The following NOC3L variants were observed in gnomAD, a reference collection of about 807,000 sequenced individuals.
The protein encoded by NOC3L is nucleolar complex protein 3 homolog.
A neutral mutation model predicts 102.5 loss-of-function variants in NOC3L; 85 were observed. The ratio of observed to expected loss-of-function variants is 0.83; its 90% CI spans 0.70 to 0.99. The LOEUF is 0.99. NOC3L is among the 50% of genes least tolerant of loss of function. The probability of loss-of-function intolerance (pLI) is 0.00; values close to 1 mark genes in which losing one functional copy is unlikely to be tolerated. For synonymous variants in NOC3L, 303 were observed against 309.4 expected (o/e 0.98, Z 0.22); for missense variants, 878 against 914.9 (o/e 0.96, Z 0.52).
chr10:94,321,626 T>G, the NOC3L span, among the ~76,000 whole-genome samples: 1 of 124,594 alleles, frequency 8.0e-6, no homozygotes, highest in Non-Finnish European at 1.7e-5. Flanking sequence ...AGACTCCATC[T>G]CAGAAAAAAA....
At position 94,334,633 on chromosome 10, in the gene NOC3L, C is replaced by A. The variant is rs1172647448; in HGVS notation, c.2274+1G>T. ...TTAAAAAAATGAAAAATATCCCATA[C>A]CTTTATTTTGGGGTTTGAAGATTCA... On this transcript the variant is annotated splice_donor_variant, in intron 20 of 20. Transcript: ENST00000371361. LOFTEE classifies it high-confidence loss of function. 6.2e-7 allele frequency: 1 copy of A among 1,607,944 alleles called. No homozygotes were observed. Among genetic ancestry groups the A allele is most frequent in the Non-Finnish European group, 8.5e-7 (1 of 1,175,666 alleles).
chr10:94,358,172 A>G lies in NOC3L; in HGVS notation c.261T>C (p.Leu87=), dbSNP rs1241408584. The G allele has an allele frequency of 6.2e-7, 1 of 1,608,846 alleles. No homozygotes were observed. Among genetic ancestry groups the G allele is most frequent in the African/African-American group, 1.3e-5 (1 of 74,830 alleles). Residue 87 remains leucine (L), a synonymous_variant, in exon 3 of 21, where the codon CTT becomes CTC. Transcript: ENST00000371361. The part of the protein sequence containing the change: ...EREEEEEEEA[L]PLDMMDEDDL... ...CATCTTCATCCATCATATCTAAAGG[A>G]AGGGCTTCTTCTTCTTCCTCTTCTT... is the stretch of plus-strand genomic sequence containing the variant.
Position 94,361,709 on chromosome 10 carries a change from G to C in NOC3L, c.173C>G (p.Ser58Cys), listed in dbSNP as rs187762184. The C allele has an allele frequency of 6.4e-7, 1 of 1,569,790 alleles. No individual in the cohort carries two copies. Among genetic ancestry groups the C allele is most frequent in the East Asian group, 2.4e-5 (1 of 41,510 alleles). ...GTTCTCCAATGGAATGGGTTTCTTAGACACAGCATCTTTCACAGCTTGCCT... is the reference window on the plus strand; with the variant it reads ...GTTCTCCAATGGAATGGGTTTCTTACACACAGCATCTTTCACAGCTTGCCT... ...KLRQAVKDAV[S>C]KKPIPLENPK... Residue 58 changes from serine to cysteine, a missense_variant, in exon 2 of 21, where the codon TCT becomes TGT. Transcript: ENST00000371361.
In NOC3L at chr10:94,357,289, T is replaced by C. The variant is rs1203406403; in HGVS notation, c.393A>G (p.Ile131Met). ...HAKKRKHERI[I>M]DKYEKIPRTL... is the part of the protein sequence containing the mutation. ...TTCTTGGTATTTTTTCATATTTATC[T>C]ATAATGCGTTCATGCTTCCGTTTCT... The change falls in exon 4 of 21, where the codon ATA becomes ATG. Residue 131 changes from isoleucine (I) to methionine (M), a missense_variant. Ile to Met is a conservative substitution (Grantham distance 10). Coordinates refer to ENST00000371361, the MANE Select transcript of NOC3L (RefSeq NM_022451.11). 6.2e-7 allele frequency: 1 copy of C among 1,604,360 alleles called. No homozygotes were observed. Among genetic ancestry groups the C allele is most frequent in the Non-Finnish European group, 8.5e-7 (1 of 1,175,462 alleles).
intron 2 of NOC3L, 26 bp downstream of exon 2, chr10:94,361,639 A>G (rs190864289): frequency 6.3e-7 from 1 of 1,598,324 alleles, no homozygotes; most frequent in African/African-American, 1.3e-5. Flanking sequence ...AATGGAAACC[A>G]GAGCACATGA....
chr10:94,327,301 T>C, the NOC3L span, among the ~76,000 whole-genome samples: 1 of 150,248 alleles, frequency 6.7e-6, no homozygotes, highest in East Asian at 2.0e-4. Flanking sequence ...AGAAAAGAAG[T>C]TTAGAGTTTA....
chr10:94,355,829 A>G (rs2054477586), intron 5 of NOC3L, among the ~76,000 whole-genome samples: 1 of 152,138 alleles, frequency 6.6e-6, no homozygotes, highest in African/African-American at 2.4e-5. Context: ...CTTTATACAA[A>G]CTAATACTTC....
At chr10:94,327,939 C>T in the NOC3L span, 1 of 527,222 alleles carries the variant, frequency 1.9e-6, no homozygotes, top group Admixed American at 2.0e-5. Context: ...TTTCAGTATA[C>T]TAATAAGCCT....
the NOC3L span, chr10:94,322,017 C>G: frequency 6.2e-7 from 1 of 1,614,150 alleles, no homozygotes; most frequent in East Asian, 2.2e-5. Flanking sequence ...GAACAGTCAT[C>G]AAAGCACCCC....
intron 2 of NOC3L, among the ~76,000 whole-genome samples, chr10:94,358,707 C>T (rs2054516737): frequency 6.6e-6 from 1 of 152,188 alleles, no homozygotes; most frequent in Non-Finnish European, 1.5e-5. Flanking sequence ...TCTCTGACCA[C>T]AAGCTTTTAT....
chr10:94,347,874 G>A (rs1260743092), intron 10 of NOC3L, among the ~76,000 whole-genome samples: 3 of 151,928 alleles, frequency 2.0e-5, no homozygotes, highest in South Asian at 2.1e-4. Flanking sequence ...TTCTCTGTGT[G>A]GACTATTTTG....
In NOC3L at chr10:94,357,331, A is replaced by G; in HGVS notation, c.351T>C (p.Ser117=). The G allele has an allele frequency of 6.4e-7, 1 of 1,571,938 alleles. No individual in the cohort carries two copies. Among genetic ancestry groups the G allele is most frequent in the Non-Finnish European group, 8.6e-7 (1 of 1,161,980 alleles). ...VSFLTRDLSS[S]EPVHAKKRKH... The stretch of plus-strand genomic sequence containing the variant: ...TCCGTTTCTTCGCATGAACAGGCTC[A>G]CTGCAGGGGAAAAAAAGATCAATTT... The change falls in exon 4 of 21, where the codon AGT becomes AGC. Residue 117 remains serine (S), a splice_region_variant and synonymous_variant. Coordinates refer to ENST00000371361, the MANE Select transcript of NOC3L (RefSeq NM_022451.11).
chr10:94,362,809 C>T, intron 1 of NOC3L, 21 bp downstream of exon 1: 1 of 1,614,050 alleles, frequency 6.2e-7, no homozygotes, highest in East Asian at 2.2e-5. Context: ...CCGCGGCGAC[C>T]GGGCTTTTGA....
chr10:94,334,331 T>G (rs763691781), intron 20 of NOC3L, 26 bp from the exon 21 acceptor site: 22 of 1,466,230 alleles, frequency 1.5e-5, no homozygotes, highest in Non-Finnish European at 1.9e-5. Context: ...AAGTATGAGT[T>G]AGAAGTTACT....
intron 9 of NOC3L, among the ~76,000 whole-genome samples, chr10:94,349,718 G>C (rs1015470438): frequency 1.2e-5 from 1 of 80,688 alleles, no homozygotes; most frequent in African/African-American, 3.3e-5. Context: ...AATTTTGTAG[G>C]GGGAAAAAAA....
In NOC3L at chr10:94,347,375, C is replaced by T. The variant is rs550878264; in HGVS notation, c.1258-819G>A. Among the ~76,000 whole-genome samples, 4 of 152,298 alleles carry T rather than the reference C, an allele frequency of 2.6e-5. No homozygotes were observed. The South Asian group carries it at 8.3e-4, about 32-fold the overall frequency. On this transcript the variant is annotated intron_variant, in intron 10 of 20. Coordinates refer to ENST00000371361, the MANE Select transcript of NOC3L (RefSeq NM_022451.11). ...ACCAACTCTGAATATTTTGTAGGTA[C>T]TGTATGTGCTCAAAATATCACCTAC...
At chr10:94,316,213 T>C in the NOC3L span, among the ~76,000 whole-genome samples, 3 of 152,312 alleles carry the variant, frequency 2.0e-5, no homozygotes, top group African/African-American at 7.2e-5. Context: ...ACTAGGTTAT[T>C]TGCCCTCAGT....
rs1414621316 is a variant in NOC3L at position 94,358,024 on chromosome 10, A to C, written c.350+59T>G. On this transcript the variant is annotated intron_variant, in intron 3 of 20. Transcript: ENST00000371361. ...ACCTTGAACCACCTAAGTGAAATTC[A>C]GAACCAAGTTTTTAACACTAAATGG... 6 of 1,136,390 alleles carry C rather than the reference A, an allele frequency of 5.3e-6. No individual in the cohort carries two copies. In the African/African-American group the frequency reaches 7.7e-5, roughly 15 times the overall value. 70.4% of individuals were successfully genotyped at this position (1,136,390 alleles called of 1,614,324 possible). A position where few individuals can be genotyped will look rare whatever the true frequency, so the allele number is the denominator to read the frequency against.
Position 94,350,256 on chromosome 10 carries a change from C to A in NOC3L, c.985G>T (p.Val329Leu). The change falls in exon 9 of 21, where the codon GTA becomes TTA. Residue 329 changes from valine (V) to leucine (L), a missense_variant. Physicochemically the swap from Val to Leu is conservative, Grantham distance 32. Transcript: ENST00000371361. Reference sequence around the variant, plus strand: ...CCTTTGTATGCCTTTAAGGAAACTACATTACTTTTCTTCAGCTTCCTCTGC... The same window carrying A: ...CCTTTGTATGCCTTTAAGGAAACTAAATTACTTTTCTTCAGCTTCCTCTGC... ...WKQRKLKKSN[V>L]VSLKAYKGLA... The A allele has an allele frequency of 6.2e-7, 1 of 1,614,168 alleles. No individual in the cohort carries two copies. Among genetic ancestry groups the A allele is most frequent in the Non-Finnish European group, 8.5e-7 (1 of 1,180,030 alleles).
Sources: gnomAD v4.1 joint callset for allele counts (sites outside exome capture counted in the v4.1 genomes callset) on GRCh38, gnomAD v4.1.1 for gene constraint, MANE v1.5 for transcripts, NCBI Gene and HGNC (gene_info 2026-07-23, HGNC 2026-07-21) for gene names.